The following MYO3B variants were observed in gnomAD, a reference collection of about 807,000 sequenced individuals.
MYO3B encodes myosin-IIIb.
MYO3B carries 156 observed loss-of-function variants against 174.6 expected under a neutral mutation model. That is an observed-to-expected ratio of 0.89 (90% CI 0.78 to 1.02). The LOEUF is 1.02. Among genes scored for constraint, MYO3B ranks in the 50% least tolerant of loss-of-function variants. The pLI is 0.00. For missense variants in MYO3B, 1,632 were observed against 1,639.4 expected, an observed-to-expected ratio of 1.00 and a Z score of 0.08; for synonymous variants, 563 against 569.1, an observed-to-expected ratio of 0.99 and a Z score of 0.15.
intron 30 of MYO3B, among the ~76,000 whole-genome samples, chr2:170,534,923 C>T (rs1689590675): frequency 6.6e-6 from 1 of 152,138 alleles, no homozygotes; most frequent in Non-Finnish European, 1.5e-5. Context: ...CCTTTAAGGA[C>T]TTTTGAAACC....
intron 7 of MYO3B, among the ~76,000 whole-genome samples, chr2:170,251,995 G>A (rs1464317182): frequency 6.6e-6 from 1 of 152,212 alleles, no homozygotes; most frequent in African/African-American, 2.4e-5. Flanking sequence ...TTGAGACCAG[G>A]AGAAGTAAAT....
At chr2:170,587,985 T>C (rs980522858) in intron 32 of MYO3B, among the ~76,000 whole-genome samples, 2 of 152,182 alleles carry the variant, frequency 1.3e-5, no homozygotes, top group African/African-American at 4.8e-5. Flanking sequence ...CATGGACTTA[T>C]ACATATGGAG....
In MYO3B at chr2:170,529,379, T is replaced by G. The variant is rs76901876; in HGVS notation, c.3575+9839T>G. 4.6e-5 allele frequency among the ~76,000 whole-genome samples: 7 copies of G among 151,790 alleles called. No individual in the cohort carries two copies. In the South Asian group the frequency reaches 6.2e-4, roughly 14 times the overall value. ...ATAAAAGTTAAAAAAAAAAAAAATTTCAGTCTCCCTTAGACCTCTCCTTTC... is the reference window on the plus strand; with the variant it reads ...ATAAAAGTTAAAAAAAAAAAAAATTGCAGTCTCCCTTAGACCTCTCCTTTC... On this transcript the variant is annotated intron_variant, in intron 30 of 34. Coordinates refer to ENST00000408978, the MANE Select transcript of MYO3B (RefSeq NM_138995.5).
intron 32 of MYO3B, among the ~76,000 whole-genome samples, chr2:170,647,184 GAGTAA>G (rs1303862939): frequency 6.6e-6 from 1 of 152,130 alleles, no homozygotes; most frequent in Non-Finnish European, 1.5e-5. Flanking sequence ...GTATTGAGAA[GAGTAA>G]AGGATTTAGA....
rs75722578 is a variant in MYO3B at position 170,591,921 on chromosome 2, A to G, written c.3733+47933A>G. On this transcript the variant is annotated intron_variant, in intron 32 of 34. Transcript: ENST00000408978. The stretch of plus-strand genomic sequence containing the variant: ...GAAGTTCAACCATTTTGCAATAAAC[A>G]TGCAGTTGCTTCTCAACTCAAGGCA... Among the ~76,000 whole-genome samples, 645 of 152,352 alleles carry G rather than the reference A, an allele frequency of 4.2e-3. 7 individuals are homozygous for G. The highest frequency in any genetic ancestry group is 0.015 in the African/African-American group (621 of 41,580).
At chr2:170,311,417 A>G (rs1350052580) in intron 7 of MYO3B, among the ~76,000 whole-genome samples, 1 of 146,464 alleles carries the variant, frequency 6.8e-6, no homozygotes, top group East Asian at 1.9e-4. Context: ...ACCTACTTTG[A>G]AGAATGTCTA....
chr2:170,509,313 C>T (rs773173334), intron 28 of MYO3B, among the ~76,000 whole-genome samples: 3 of 152,138 alleles, frequency 2.0e-5, no homozygotes, highest in Non-Finnish European at 2.9e-5. Context: ...GCCAAGATCG[C>T]ACCACTGCAC....
intron 30 of MYO3B, among the ~76,000 whole-genome samples, chr2:170,528,854 A>G (rs117299572): frequency 1.3e-5 from 2 of 152,214 alleles, no homozygotes; most frequent in Non-Finnish European, 2.9e-5. Context: ...ACCTGTGGAC[A>G]TGAACGTTTA....
At chr2:170,253,280 G>A (rs181033333) in intron 7 of MYO3B, among the ~76,000 whole-genome samples, 11 of 152,156 alleles carry the variant, frequency 7.2e-5, no homozygotes, top group African/African-American at 2.7e-4. Context: ...ATTGCTTATG[G>A]ATTTGATGTA....
chr2:170,213,976 A>G (rs1428798309), intron 3 of MYO3B, among the ~76,000 whole-genome samples: 1 of 152,204 alleles, frequency 6.6e-6, no homozygotes, highest in Non-Finnish European at 1.5e-5. Context: ...CTTATCCTCA[A>G]AATGCACATT....
intron 32 of MYO3B, among the ~76,000 whole-genome samples, chr2:170,561,358 A>G (rs1023077783): frequency 2.0e-5 from 3 of 152,238 alleles, no homozygotes; most frequent in Non-Finnish European, 4.4e-5. Flanking sequence ...CTTACTAGTT[A>G]TCTGTACCCA....
chr2:170,565,701 T>C (rs1274722611), intron 32 of MYO3B, among the ~76,000 whole-genome samples: 1 of 152,204 alleles, frequency 6.6e-6, no homozygotes, highest in Admixed American at 6.5e-5. Flanking sequence ...TATAGTCAAA[T>C]TCATTGTGAA....
At chr2:170,272,166 A>G (rs571172514) in intron 7 of MYO3B, among the ~76,000 whole-genome samples, 1 of 151,456 alleles carries the variant, frequency 6.6e-6, no homozygotes, top group African/African-American at 2.4e-5. Context: ...TAGCATCGGC[A>G]TCACTTGGGA....
intron 32 of MYO3B, among the ~76,000 whole-genome samples, chr2:170,557,472 C>T (rs7578379): frequency 0.67 from 101,306 of 151,982 alleles, 34,753 homozygotes; most frequent in Non-Finnish European, 0.75. Context: ...TCTGCTAAAA[C>T]AGTATTTAGC....
intron 29 of MYO3B, among the ~76,000 whole-genome samples, chr2:170,516,846 A>T (rs1214367752): frequency 6.6e-6 from 1 of 152,172 alleles, no homozygotes; most frequent in African/African-American, 2.4e-5. Flanking sequence ...GCATTTTATG[A>T]ATATTTCTAC....
At chr2:170,412,935 G>A (rs930234439) in intron 22 of MYO3B, among the ~76,000 whole-genome samples, 1 of 152,158 alleles carries the variant, frequency 6.6e-6, no homozygotes, top group Non-Finnish European at 1.5e-5. Flanking sequence ...TTTGGGAAGT[G>A]TATCTCAGTC....
At chr2:170,565,989 A>G (rs1692053910) in intron 32 of MYO3B, among the ~76,000 whole-genome samples, 1 of 152,196 alleles carries the variant, frequency 6.6e-6, no homozygotes, top group Admixed American at 6.5e-5. Flanking sequence ...TGCTTTTCCC[A>G]TAACACACCT....
intron 28 of MYO3B, among the ~76,000 whole-genome samples, chr2:170,507,260 C>T (rs988124782): frequency 5.9e-5 from 9 of 152,176 alleles, no homozygotes; most frequent in Admixed American, 4.6e-4. Context: ...CGCCTACCCC[C>T]CCATCTTCTA....
At chr2:170,243,498 C>T (rs918524491) in intron 7 of MYO3B, among the ~76,000 whole-genome samples, 1 of 152,198 alleles carries the variant, frequency 6.6e-6, no homozygotes, top group Non-Finnish European at 1.5e-5. Context: ...CCATCACTTT[C>T]AAGTTCACCA....
Sources: allele counts gnomAD v4.1 joint callset (sites outside exome capture counted in the v4.1 genomes callset), GRCh38; gene constraint gnomAD v4.1.1; transcripts MANE v1.5; gene names NCBI Gene and HGNC (gene_info 2026-07-23, HGNC 2026-07-21).